The following ESR1 variants were observed in gnomAD, a reference collection of about 807,000 sequenced individuals.
ESR1 encodes the protein estrogen receptor 1.
ESR1 carries 12 observed loss-of-function variants against 52.7 expected under a neutral mutation model. The observed-to-expected ratio is 0.23, with a 90% CI of 0.15 to 0.37. The LOEUF is 0.37. Among genes scored for constraint, ESR1 ranks in the 10% least tolerant of loss-of-function variants. The pLI is 1.00. For missense variants in ESR1, 584 were observed against 779.7 expected (o/e 0.75, Z 2.99); for synonymous variants, 305 against 316.8 (o/e 0.96, Z 0.39).
intron 2 of ESR1, among the ~76,000 whole-genome samples, chr6:151,769,971 T>G (rs1264505890): frequency 6.1e-5 from 9 of 148,438 alleles, no homozygotes; most frequent in African/African-American, 2.3e-4. Context: ...AAGGTTGCAG[T>G]GAGCCAAGAT....
chr6:152,102,302 G>C lies in ESR1; in HGVS notation c.*3336G>C, dbSNP rs2050985941. On this transcript the variant is annotated 3_prime_UTR_variant, in exon 8 of 8. Coordinates refer to ENST00000206249, the MANE Select transcript of ESR1 (RefSeq NM_000125.4). ...ACTGGCTTAGAGTACTCCTTCCCCT[G>C]CATGACACTGATTACAAATACTTTC... The C allele has an allele frequency of 4.8e-6, 1 of 206,684 alleles. No individual in the cohort carries two copies. The highest frequency in any genetic ancestry group is 9.9e-6 in the Non-Finnish European group (1 of 101,076). 12.8% of individuals were successfully genotyped at this position (206,684 alleles called of 1,614,324 possible).
intron 2 of ESR1, among the ~76,000 whole-genome samples, chr6:151,844,159 CAT>C (rs1784740459): frequency 6.6e-6 from 1 of 151,096 alleles, no homozygotes; most frequent in Non-Finnish European, 1.5e-5. Flanking sequence ...TTTTTCTAAA[CAT>C]ATATAAATAT....
intron 3 of ESR1, chr6:151,936,070 AC>A (rs1562567113): frequency 6.6e-6 from 1 of 152,118 alleles, no homozygotes; most frequent in Admixed American, 6.5e-5. Context: ...TTGCATTGTG[AC>A]CCTTCATCTG....
chr6:151,670,909 C>T (rs1778034422), intron 1 of ESR1, among the ~76,000 whole-genome samples: 1 of 152,018 alleles, frequency 6.6e-6, no homozygotes, highest in Non-Finnish European at 1.5e-5. Flanking sequence ...GCTGGGATTA[C>T]AGGCCTGCAA....
chr6:151,942,180 G>A (rs2035149429), intron 3 of ESR1, among the ~76,000 whole-genome samples: 1 of 152,156 alleles, frequency 6.6e-6, no homozygotes, highest in Admixed American at 6.5e-5. Flanking sequence ...GACAATGGCT[G>A]GTCAGGTGCC....
intron 1 of ESR1, among the ~76,000 whole-genome samples, chr6:151,697,440 G>A (rs925313456): frequency 2.2e-4 from 34 of 152,252 alleles, no homozygotes; most frequent in Admixed American, 7.8e-4. Context: ...CCAGACAGCC[G>A]TCAAAACATT....
intron 5 of ESR1, among the ~76,000 whole-genome samples, chr6:152,035,348 T>C (rs2045196578): frequency 6.6e-6 from 1 of 151,568 alleles, no homozygotes; most frequent in Non-Finnish European, 1.5e-5. Flanking sequence ...ATCAAAACTA[T>C]CATGTATTTT....
chr6:151,847,478 C>G (rs1012625544), intron 2 of ESR1, among the ~76,000 whole-genome samples: 3 of 149,230 alleles, frequency 2.0e-5, no homozygotes, highest in Non-Finnish European at 4.4e-5. Context: ...ATTTGCATTT[C>G]TCTGATGGCC....
intron 4 of ESR1, among the ~76,000 whole-genome samples, chr6:151,979,379 A>T (rs2039773644): frequency 6.6e-6 from 1 of 152,180 alleles, no homozygotes; most frequent in South Asian, 2.1e-4. Context: ...TTATCCTAAA[A>T]TGATTTTAGG....
intron 2 of ESR1, among the ~76,000 whole-genome samples, chr6:151,775,639 G>A (rs901257107): frequency 6.6e-6 from 1 of 151,872 alleles, no homozygotes; most frequent in Non-Finnish European, 1.5e-5. Context: ...CCAGCTACTC[G>A]GGAGGCTGAG....
Position 151,987,143 on chromosome 6 carries a change from G to A in ESR1, c.1097-24513G>A, listed in dbSNP as rs554315673. Among the ~76,000 whole-genome samples, 10 of 151,990 alleles carry A rather than the reference G, an allele frequency of 6.6e-5. No individual in the cohort carries two copies. In the South Asian group the frequency reaches 1.9e-3, roughly 28 times the overall value. ...CCAAATGGGCTTTGCTGTGAACAGT[G>A]ACTCTCAGGCTTCTGGTCTCTGCTG... is the stretch of plus-strand genomic sequence containing the variant. On this transcript the variant is annotated intron_variant, in intron 4 of 7. Transcript: ENST00000206249.
chr6:152,066,583 T>C (rs2047982508), intron 6 of ESR1, among the ~76,000 whole-genome samples: 2 of 152,218 alleles, frequency 1.3e-5, no homozygotes, highest in Non-Finnish European at 1.5e-5. Context: ...AGCTGGCTTA[T>C]TGTCATTATT....
intron 1 of ESR1, among the ~76,000 whole-genome samples, chr6:151,673,342 C>T (rs961488124): frequency 3.9e-5 from 6 of 152,122 alleles, no homozygotes; most frequent in Non-Finnish European, 7.4e-5. Flanking sequence ...GCTGTTTTCA[C>T]GTTTGGACGC....
intron 2 of ESR1, among the ~76,000 whole-genome samples, chr6:151,860,252 T>C (rs1374392432): frequency 6.6e-6 from 1 of 152,192 alleles, no homozygotes; most frequent in Non-Finnish European, 1.5e-5. Context: ...CACCTAGTTA[T>C]CATTTTTGGG....
At chr6:151,909,467 G>A (rs1797934834) in intron 3 of ESR1, among the ~76,000 whole-genome samples, 1 of 152,164 alleles carries the variant, frequency 6.6e-6, no homozygotes, top group Admixed American at 6.5e-5. Flanking sequence ...TCAGTCCAAG[G>A]CACTGTATTC....
intron 2 of ESR1, among the ~76,000 whole-genome samples, chr6:151,799,020 T>C (rs1490636446): frequency 6.6e-6 from 1 of 152,330 alleles, no homozygotes; most frequent in African/African-American, 2.4e-5. Flanking sequence ...GTGAAGGCAG[T>C]CTTGTTGTAG....
chr6:152,083,312 A>G (rs560521452), intron 6 of ESR1, among the ~76,000 whole-genome samples: 1 of 152,384 alleles, frequency 6.6e-6, no homozygotes, highest in East Asian at 1.9e-4. Flanking sequence ...ATGACACCAC[A>G]CATCTGCAAC....
At chr6:151,689,448 G>C (rs1778815652), upstream of ESR1, among the ~76,000 whole-genome samples, 1 of 152,092 alleles carries the variant, frequency 6.6e-6, no homozygotes, top group Non-Finnish European at 1.5e-5. Context: ...AATGTGTCCT[G>C]CTCTATGTAT....
intron 4 of ESR1, among the ~76,000 whole-genome samples, chr6:151,956,861 TAA>T (rs1554293647): frequency 2.1e-4 from 17 of 82,754 alleles, no homozygotes; most frequent in South Asian, 1.1e-3. Flanking sequence ...TATATATATA[TAA>T]ATATATATAT....
Sources: gnomAD v4.1 joint callset for allele counts (sites outside exome capture counted in the v4.1 genomes callset) on GRCh38, gnomAD v4.1.1 for gene constraint, MANE v1.5 for transcripts, NCBI Gene and HGNC (gene_info 2026-07-23, HGNC 2026-07-21) for gene names.